DMRT1: variants seen among roughly 807,000 people sequenced by gnomAD.
DMRT1 encodes the protein doublesex- and mab-3-related transcription factor 1.
A neutral mutation model predicts 32.3 loss-of-function variants in DMRT1; 7 were observed. The ratio of observed to expected loss-of-function variants is 0.22; its 90% CI spans 0.12 to 0.41. The LOEUF is 0.41. Ranked by LOEUF, DMRT1 falls within the 10% of genes least tolerant of loss-of-function variation. DMRT1 has a pLI of 1.00. For synonymous variants in DMRT1, 278 were observed against 206.1 expected, an observed-to-expected ratio of 1.35 and a Z score of -2.99; for missense variants, 625 against 500.5, an observed-to-expected ratio of 1.25 and a Z score of -2.37.
intron 2 of DMRT1, among the ~76,000 whole-genome samples, chr9:878,407 C>T (rs879322591): frequency 6.6e-6 from 1 of 152,156 alleles, no homozygotes; most frequent in Non-Finnish European, 1.5e-5. Context: ...GCACAGTAAG[C>T]AGTTGTTGCT....
In DMRT1 at chr9:959,301, T is replaced by C. The variant is rs2129989579; in HGVS notation, c.968-8684T>C. 3.9e-5 allele frequency among the ~76,000 whole-genome samples: 6 copies of C among 152,346 alleles called. 1 individual carries two copies. In the Middle Eastern group the frequency reaches 0.02, roughly 518 times the overall value. On this transcript the variant is annotated intron_variant, in intron 4 of 4. Coordinates refer to ENST00000382276, the MANE Select transcript of DMRT1 (RefSeq NM_021951.3). ...ATGTGGATCTGAGCACTCATTTGCA[T>C]TGCACAGAGTCCCTGAGGAACTCAT...
At chr9:932,391 G>C (rs1818754294) in intron 4 of DMRT1, among the ~76,000 whole-genome samples, 1 of 152,172 alleles carries the variant, frequency 6.6e-6, no homozygotes, top group Non-Finnish European at 1.5e-5. Flanking sequence ...GTTATAATGA[G>C]CCAATGCAAT....
rs960398718 is a variant in DMRT1, at chr9:965,206, A to G, written c.968-2779A>G. Among the ~76,000 whole-genome samples, 2 of 152,224 alleles carry G rather than the reference A, an allele frequency of 1.3e-5. No homozygotes were observed. The highest frequency in any genetic ancestry group is 4.8e-5 in the African/African-American group (2 of 41,466). ...AATCTTTTCACGTACCTAGAACTCT[A>G]TGAGGGGCTATACTTAAACAGATAC... is the stretch of plus-strand genomic sequence containing the variant. On this transcript the variant is annotated intron_variant, in intron 4 of 4. Coordinates refer to ENST00000382276, the MANE Select transcript of DMRT1 (RefSeq NM_021951.3). This position sits in a 1 kb window ranked among gnomAD's most constrained non-coding sequence, Gnocchi z 4.5.
chr9:848,004 T>G (rs1165553026), intron 2 of DMRT1, among the ~76,000 whole-genome samples: 2 of 152,210 alleles, frequency 1.3e-5, no homozygotes, highest in Non-Finnish European at 2.9e-5. Context: ...ATGTGGGAGC[T>G]ATGAGACATC....
intron 4 of DMRT1, among the ~76,000 whole-genome samples, chr9:945,386 C>T (rs1479051005): frequency 6.6e-6 from 1 of 152,136 alleles, no homozygotes; most frequent in African/African-American, 2.4e-5. Flanking sequence ...GAACTCGTGA[C>T]CTCAGGTGAT....
At chr9:894,459 A>G (rs903114900) in intron 3 of DMRT1, 1 of 541,776 alleles carries the variant, frequency 1.8e-6, no homozygotes, top group Non-Finnish European at 3.3e-6. Context: ...GAAAGAAATA[A>G]TGTACAAACT....
intron 2 of DMRT1, among the ~76,000 whole-genome samples, chr9:850,655 T>C (rs1589446680): frequency 1.3e-5 from 2 of 152,224 alleles, no homozygotes; most frequent in East Asian, 3.8e-4. Flanking sequence ...AGTGGAAGTA[T>C]GTTGTTCCTA....
chr9:869,293 G>A (rs552010801), intron 2 of DMRT1, among the ~76,000 whole-genome samples: 1 of 152,246 alleles, frequency 6.6e-6, no homozygotes, highest in South Asian at 2.1e-4. Context: ...AAGGTGGATG[G>A]CATAGAAATA....
intron 2 of DMRT1, among the ~76,000 whole-genome samples, chr9:883,516 G>A (rs762176468): frequency 1.3e-5 from 2 of 151,862 alleles, no homozygotes; most frequent in Non-Finnish European, 2.9e-5. Context: ...GAGAGCCCGG[G>A]TGCAGCGACT....
At chr9:854,376 C>G (rs888417859) in intron 2 of DMRT1, among the ~76,000 whole-genome samples, 1 of 151,868 alleles carries the variant, frequency 6.6e-6, no homozygotes, top group African/African-American at 2.4e-5. Context: ...CCTCCACTTT[C>G]CAGATCAAGT....
chr9:859,426 G>C (rs1274161011), intron 2 of DMRT1, among the ~76,000 whole-genome samples: 1 of 152,136 alleles, frequency 6.6e-6, no homozygotes, highest in Non-Finnish European at 1.5e-5. Flanking sequence ...TGGAGTAGGG[G>C]TGCCTGTGGG....
intron 4 of DMRT1, among the ~76,000 whole-genome samples, chr9:936,325 G>A (rs193057372): frequency 6.6e-6 from 1 of 152,162 alleles, no homozygotes; most frequent in Non-Finnish European, 1.5e-5. Flanking sequence ...GTAGCTCTAT[G>A]GTTATGAAAT....
intron 2 of DMRT1, among the ~76,000 whole-genome samples, chr9:877,335 C>T (rs889396010): frequency 6.6e-6 from 1 of 152,160 alleles, no homozygotes; most frequent in Admixed American, 6.5e-5. Flanking sequence ...ATGTCTCACC[C>T]CCCTGGAGGG....
At chr9:858,870 A>AATATAT (rs139337855) in intron 2 of DMRT1, among the ~76,000 whole-genome samples, 5 of 48,074 alleles carry the variant, frequency 1.0e-4, no homozygotes, top group Non-Finnish European at 1.7e-4. Context: ...AAAAAAAAAA[A>AATATAT]ATATATATAT....
At chr9:875,331 A>T (rs1816450813) in intron 2 of DMRT1, among the ~76,000 whole-genome samples, 3 of 152,108 alleles carry the variant, frequency 2.0e-5, no homozygotes, top group Admixed American at 2.0e-4. Flanking sequence ...TTGCAAACTC[A>T]CTTTCCACAG....
chr9:895,200 G>A (rs566898218), intron 3 of DMRT1, among the ~76,000 whole-genome samples: 49 of 152,282 alleles, frequency 3.2e-4, no homozygotes, highest in African/African-American at 7.7e-4. Flanking sequence ...TTAGAGAAGG[G>A]AGCGTTTATC....
chr9:967,238 A>T (rs1819958386), intron 4 of DMRT1, among the ~76,000 whole-genome samples: 1 of 152,194 alleles, frequency 6.6e-6, no homozygotes, highest in Non-Finnish European at 1.5e-5. Flanking sequence ...TTTTTTATCT[A>T]CTGTGGCTGC....
At chr9:943,557 C>G (rs1819146482) in intron 4 of DMRT1, among the ~76,000 whole-genome samples, 1 of 152,230 alleles carries the variant, frequency 6.6e-6, no homozygotes, top group Admixed American at 6.5e-5. Flanking sequence ...ACACAGTTGT[C>G]TAACACTTAC....
intron 2 of DMRT1, among the ~76,000 whole-genome samples, chr9:879,170 T>C (rs1002187352): frequency 2.0e-5 from 3 of 152,204 alleles, no homozygotes; most frequent in African/African-American, 7.2e-5. Flanking sequence ...GCTGTTAAGA[T>C]GGAAGTTCTC....
Sources: allele counts gnomAD v4.1 joint callset (sites outside exome capture counted in the v4.1 genomes callset), GRCh38; gene constraint gnomAD v4.1.1; non-coding constraint Gnocchi (gnomAD v3.1); transcripts MANE v1.5; gene names NCBI Gene and HGNC (gene_info 2026-07-23, HGNC 2026-07-21).